Variants in SLC13A3 observed in about 807,000 individuals in gnomAD.
The protein encoded by SLC13A3 is solute carrier family 13 member 3.
In SLC13A3, 40 loss-of-function variants were observed where a neutral mutation model predicts 59.0. The ratio of observed to expected loss-of-function variants is 0.68; its 90% CI spans 0.53 to 0.88. The LOEUF is 0.88. SLC13A3 is among the 40% of genes least tolerant of loss of function. SLC13A3 has a pLI of 0.00. For synonymous variants in SLC13A3, 317 were observed against 330.3 expected (o/e 0.96, Z 0.44); for missense variants, 699 against 783.2 (o/e 0.89, Z 1.28).
intron 1 of SLC13A3, among the ~76,000 whole-genome samples, chr20:46,643,362 G>A (rs543185282): frequency 1.3e-5 from 2 of 152,240 alleles, no homozygotes; most frequent in East Asian, 1.9e-4. Context: ...GGGCAGGGAC[G>A]GCCTTTTCGG....
intron 1 of SLC13A3, among the ~76,000 whole-genome samples, chr20:46,646,275 A>G (rs566751200): frequency 6.6e-6 from 1 of 152,348 alleles, no homozygotes; most frequent in East Asian, 1.9e-4. Context: ...AGTAGTGTTT[A>G]GTAGCTGTGT....
At chr20:46,675,442 C>T (rs1454058899) in intron 1 of SLC13A3, among the ~76,000 whole-genome samples, 7 of 133,074 alleles carry the variant, frequency 5.3e-5, no homozygotes, top group Admixed American at 1.6e-4. Flanking sequence ...GACAAGGTTT[C>T]ACCGTGTTGC....
In SLC13A3 at chr20:46,575,643, G is replaced by A; in HGVS notation, c.1262C>T (p.Ala421Val). Reference protein sequence around the residue: ...ETEPLLTWKKAQETVPWNIIL... With the variant: ...ETEPLLTWKKVQETVPWNIIL... ...GATGTTCCAGGGCACTGTCTCCTGG[G>A]CCTTCTTCCAGGTCAGCAAGGGCTC... is the stretch of plus-strand genomic sequence containing the variant. The change falls in exon 10 of 13, where the codon GCC becomes GTC. Residue 421 changes from alanine (A) to valine (V), a missense_variant. Transcript: ENST00000279027. 3 of 1,604,680 alleles carry A rather than the reference G, an allele frequency of 1.9e-6. No homozygotes were observed. Among genetic ancestry groups the A allele is most frequent in the Non-Finnish European group, 2.6e-6 (3 of 1,175,442 alleles).
intron 1 of SLC13A3, among the ~76,000 whole-genome samples, chr20:46,683,331 G>A (rs531963897): frequency 2.0e-5 from 3 of 152,332 alleles, no homozygotes; most frequent in East Asian, 1.9e-4. Flanking sequence ...GCTGGTAGCT[G>A]TGCCAATAGA....
chr20:46,611,283 T>C (rs1301911159), intron 2 of SLC13A3, among the ~76,000 whole-genome samples: 1 of 152,208 alleles, frequency 6.6e-6, no homozygotes, highest in African/African-American at 2.4e-5. Flanking sequence ...CAGACTTGTG[T>C]CTTACTGTTT....
At chr20:46,655,287 A>C (rs2062977112), upstream of SLC13A3, among the ~76,000 whole-genome samples, 1 of 150,814 alleles carries the variant, frequency 6.6e-6, no homozygotes, top group Non-Finnish European at 1.5e-5. Flanking sequence ...ATATATACAC[A>C]TATATACACA....
chr20:46,589,039 C>G, intron 7 of SLC13A3, 121 bp downstream of exon 7: 2 of 822,104 alleles, frequency 2.4e-6, no homozygotes, highest in Non-Finnish European at 3.9e-6. Flanking sequence ...TAGGCTCCCA[C>G]GCCACGGGTC....
chr20:46,674,777 T>C (rs533648875), upstream of SLC13A3, among the ~76,000 whole-genome samples: 7 of 152,010 alleles, frequency 4.6e-5, no homozygotes, highest in Non-Finnish European at 1.0e-4. Flanking sequence ...CCAGGCACCA[T>C]GGTAGAAATT....
chr20:46,667,886 C>CT (rs1411696978), intron 1 of SLC13A3, among the ~76,000 whole-genome samples: 1 of 152,174 alleles, frequency 6.6e-6, no homozygotes, highest in Non-Finnish European at 1.5e-5. Context: ...CAATTTCAAA[C>CT]TTTTTTTATG....
intron 4 of SLC13A3, among the ~76,000 whole-genome samples, chr20:46,597,000 C>T (rs539690397): frequency 1.3e-5 from 2 of 152,130 alleles, no homozygotes; most frequent in African/African-American, 2.4e-5. Context: ...CTGTAGTGAA[C>T]TTTGATTGCC....
intron 1 of SLC13A3, among the ~76,000 whole-genome samples, chr20:46,627,380 G>C (rs1420995472): frequency 6.6e-6 from 1 of 152,086 alleles, no homozygotes; most frequent in Non-Finnish European, 1.5e-5. Context: ...CTTACAGCTG[G>C]CACTGGACTT....
chr20:46,598,226 G>T (rs1245864606), intron 4 of SLC13A3, among the ~76,000 whole-genome samples: 1 of 152,120 alleles, frequency 6.6e-6, no homozygotes, highest in Non-Finnish European at 1.5e-5. Flanking sequence ...CATGAGCTGG[G>T]GTCTGAGTAG....
At chr20:46,635,102 A>C (rs1442164302) in intron 1 of SLC13A3, among the ~76,000 whole-genome samples, 1 of 152,162 alleles carries the variant, frequency 6.6e-6, no homozygotes, top group Non-Finnish European at 1.5e-5. Context: ...CTCCTGGAAA[A>C]GGCTGTTATG....
chr20:46,591,237 A>G (rs1600528150), intron 6 of SLC13A3, among the ~76,000 whole-genome samples: 1 of 152,222 alleles, frequency 6.6e-6, no homozygotes, highest in Non-Finnish European at 1.5e-5. Context: ...GTCACTAGAA[A>G]AAGATATCTA....
chr20:46,624,783 A>C (rs2062651807), intron 1 of SLC13A3, among the ~76,000 whole-genome samples: 1 of 152,214 alleles, frequency 6.6e-6, no homozygotes, highest in African/African-American at 2.4e-5. Context: ...AAGCCCAAGT[A>C]TTTCTAAAGA....
At chr20:46,652,784 T>C (rs1052779532), upstream of SLC13A3, among the ~76,000 whole-genome samples, 1 of 152,194 alleles carries the variant, frequency 6.6e-6, no homozygotes, top group African/African-American at 2.4e-5. Context: ...AACTGTTGGG[T>C]TGCCCAGTAT....
chr20:46,606,877 C>A (rs1042335645), intron 3 of SLC13A3, among the ~76,000 whole-genome samples: 1 of 152,216 alleles, frequency 6.6e-6, no homozygotes, highest in African/African-American at 2.4e-5. Context: ...ATTGGCGAAG[C>A]CATCACTCAC....
intron 1 of SLC13A3, among the ~76,000 whole-genome samples, chr20:46,664,312 G>A (rs775282438): frequency 4.9e-4 from 74 of 152,180 alleles, no homozygotes; most frequent in Non-Finnish European, 7.5e-4. Flanking sequence ...AGGCTGAAGC[G>A]ACCCTCCTGA....
intron 3 of SLC13A3, among the ~76,000 whole-genome samples, chr20:46,609,722 A>C (rs1293267599): frequency 6.6e-6 from 1 of 152,214 alleles, no homozygotes; most frequent in African/African-American, 2.4e-5. Context: ...TCTCTCTTTT[A>C]AAAGGAGCAT....
Sources: allele counts gnomAD v4.1 joint callset (sites outside exome capture counted in the v4.1 genomes callset), GRCh38; gene constraint gnomAD v4.1.1; transcripts MANE v1.5; gene names NCBI Gene and HGNC (gene_info 2026-07-23, HGNC 2026-07-21).